MBNL2: variants seen among roughly 807,000 people sequenced by gnomAD.
MBNL2 encodes the protein muscleblind like splicing regulator 2.
In MBNL2, 17 loss-of-function variants were observed where a neutral mutation model predicts 41.9. That is an observed-to-expected ratio of 0.41 (90% CI 0.28 to 0.61). The LOEUF (loss-of-function observed/expected upper bound fraction) is 0.61. Ranked by LOEUF, MBNL2 falls within the 20% of genes least tolerant of loss-of-function variation. The pLI is 0.35. For synonymous variants in MBNL2, 195 were observed against 182.9 expected, an observed-to-expected ratio of 1.07 and a Z score of -0.53; for missense variants, 336 against 505.6, an observed-to-expected ratio of 0.66 and a Z score of 3.22.
intron 2 of MBNL2, among the ~76,000 whole-genome samples, chr13:97,283,066 C>G (rs1464219576): frequency 6.6e-6 from 1 of 152,142 alleles, no homozygotes; most frequent in Non-Finnish European, 1.5e-5. Context: ...TTTGGTCATT[C>G]GAGGAGGATT....
Position 97,346,837 on chromosome 13 carries a change from C to A in MBNL2, c.574C>A (p.Arg192=), listed in dbSNP as rs756275592. ...GGAGTTCCAGCGAGGAAACTGTGCC[C>A]GGGGAGAGACCGACTGCCGCTTTGC... ...CREFQRGNCA[R]GETDCRFAHP... The change falls in exon 5 of 9, where the codon CGG becomes AGG. Residue 192 remains arginine, a synonymous_variant. Coordinates refer to ENST00000679496, the MANE Select transcript of MBNL2 (RefSeq NM_001382683.1). The surrounding 1 kb of genome is among the most constrained non-coding windows in gnomAD (Gnocchi z 4.2). The A allele has an allele frequency of 5.0e-6, 8 of 1,613,924 alleles. No homozygotes were observed. The highest frequency in any genetic ancestry group is 6.8e-6 in the Non-Finnish European group (8 of 1,179,932).
intron 1 of MBNL2, among the ~76,000 whole-genome samples, chr13:97,249,873 A>C (rs950345486): frequency 1.3e-5 from 2 of 152,194 alleles, no homozygotes; most frequent in Non-Finnish European, 2.9e-5. Flanking sequence ...GCTGCAAAAG[A>C]GAAGTTGGAA....
At chr13:97,303,150 C>T (rs999601071) in intron 2 of MBNL2, among the ~76,000 whole-genome samples, 2 of 152,158 alleles carry the variant, frequency 1.3e-5, no homozygotes, top group South Asian at 2.1e-4. Context: ...ACAGGGAAAT[C>T]GTGTCCCAGT....
chr13:97,378,023 T>C (rs941817153), intron 8 of MBNL2, among the ~76,000 whole-genome samples: 1 of 150,134 alleles, frequency 6.7e-6, no homozygotes, highest in Non-Finnish European at 1.5e-5. Flanking sequence ...CACAGAGGTG[T>C]CCGTAGAGAG....
the MBNL2 span, among the ~76,000 whole-genome samples, chr13:97,173,852 T>C: frequency 6.6e-6 from 1 of 152,212 alleles, no homozygotes; most frequent in African/African-American, 2.4e-5. Flanking sequence ...ACTTATCGGA[T>C]ACCTCCATTC....
At chr13:97,233,141 A>C (rs1237725750) in intron 1 of MBNL2, among the ~76,000 whole-genome samples, 1 of 75,930 alleles carries the variant, frequency 1.3e-5, no homozygotes, top group African/African-American at 5.4e-5. Context: ...ATATATATAT[A>C]TATATATATA....
chr13:97,155,260 T>C, the MBNL2 span, among the ~76,000 whole-genome samples: 2 of 152,072 alleles, frequency 1.3e-5, no homozygotes, highest in Non-Finnish European at 2.9e-5. Flanking sequence ...ATGGTTAATA[T>C]ATATTTTTTA....
chr13:97,355,150 T>G (rs2062875233), intron 5 of MBNL2, among the ~76,000 whole-genome samples: 1 of 152,208 alleles, frequency 6.6e-6, no homozygotes, highest in Admixed American at 6.5e-5. Context: ...GTTTTTAACG[T>G]TCACAATTGT....
At chr13:97,223,137 T>G (rs1270730202) in intron 1 of MBNL2, among the ~76,000 whole-genome samples, 1 of 152,250 alleles carries the variant, frequency 6.6e-6, no homozygotes, top group Non-Finnish European at 1.5e-5. Context: ...CTGGCATGTC[T>G]GAGCCTTTGT....
chr13:97,195,215 T>A, the MBNL2 span, among the ~76,000 whole-genome samples: 3 of 152,174 alleles, frequency 2.0e-5, no homozygotes, highest in Admixed American at 1.3e-4. Flanking sequence ...ACTTTTTACC[T>A]GGAATCTTCT....
chr13:97,335,407 A>G (rs982209256), intron 3 of MBNL2, among the ~76,000 whole-genome samples: 1 of 152,070 alleles, frequency 6.6e-6, no homozygotes, highest in Non-Finnish European at 1.5e-5. Flanking sequence ...ACTGAAACCT[A>G]CTAAATTAGG....
At chr13:97,384,455 G>T (rs532739175) in intron 8 of MBNL2, among the ~76,000 whole-genome samples, 2 of 152,154 alleles carry the variant, frequency 1.3e-5, no homozygotes, top group African/African-American at 4.8e-5. Flanking sequence ...CACAAGTGTA[G>T]CCTCTCAGGC....
chr13:97,381,082 TC>T (rs1360588472), intron 8 of MBNL2, among the ~76,000 whole-genome samples: 1 of 149,538 alleles, frequency 6.7e-6, no homozygotes, highest in African/African-American at 2.5e-5. Flanking sequence ...TATCTCTCCC[TC>T]TCTGTCCCTC....
chr13:97,272,525 A>G (rs985851394), intron 1 of MBNL2, among the ~76,000 whole-genome samples: 1 of 152,114 alleles, frequency 6.6e-6, no homozygotes, highest in Admixed American at 6.6e-5. Context: ...CTGCATGCCT[A>G]TGTCCTGAAT....
chr13:97,352,632 A>C (rs917559713), intron 5 of MBNL2, among the ~76,000 whole-genome samples: 6 of 152,260 alleles, frequency 3.9e-5, no homozygotes, highest in Non-Finnish European at 7.3e-5. Flanking sequence ...TGTGAGAATT[A>C]CCAAAATGTG....
At chr13:97,234,151 C>A (rs1249260237) in intron 1 of MBNL2, among the ~76,000 whole-genome samples, 2 of 152,164 alleles carry the variant, frequency 1.3e-5, no homozygotes, top group Non-Finnish European at 2.9e-5. Context: ...CAAGCCATAA[C>A]ATTTTGTTAG....
the MBNL2 span, among the ~76,000 whole-genome samples, chr13:97,179,040 T>C: frequency 6.6e-6 from 1 of 152,212 alleles, no homozygotes; most frequent in African/African-American, 2.4e-5. Context: ...TGAAAACAAA[T>C]AATCAAAGAC....
At chr13:97,365,739 A>C (rs1243548661) in intron 8 of MBNL2, among the ~76,000 whole-genome samples, 7 of 152,200 alleles carry the variant, frequency 4.6e-5, no homozygotes, top group Non-Finnish European at 1.0e-4. Context: ...TTTTAATAGC[A>C]GATAGTTGTC....
At chr13:97,352,035 T>TATAAATAAATAAAAAA (rs2062528243) in intron 5 of MBNL2, among the ~76,000 whole-genome samples, 1 of 148,634 alleles carries the variant, frequency 6.7e-6, no homozygotes, top group Non-Finnish European at 1.5e-5. Flanking sequence ...AAAATAAAAA[T>TATAAATAAATAAAAAA]ATAAATAAAT....
Sources: gnomAD v4.1 joint callset for allele counts (sites outside exome capture counted in the v4.1 genomes callset) on GRCh38, gnomAD v4.1.1 for gene constraint, Gnocchi (gnomAD v3.1) non-coding constraint, MANE v1.5 for transcripts, NCBI Gene and HGNC (gene_info 2026-07-23, HGNC 2026-07-21) for gene names.